The following RINT1 variants were observed in gnomAD, a reference collection of about 807,000 sequenced individuals.
RINT1 encodes the protein RAD50 interactor 1, also known as RAD50-interacting protein 1.
Under a neutral mutation model 97.7 loss-of-function variants are expected in RINT1, and 75 were observed. The observed-to-expected ratio is 0.77, with a 90% CI of 0.64 to 0.93. The LOEUF is 0.93. RINT1 is among the 40% of genes least tolerant of loss of function. The pLI is 0.00. For synonymous variants in RINT1, 303 were observed against 326.3 expected (o/e 0.93, Z 0.77); for missense variants, 892 against 925.2 (o/e 0.96, Z 0.47).
intron 4 of RINT1, among the ~76,000 whole-genome samples, chr7:105,543,158 G>A (rs1790531398): frequency 6.6e-6 from 1 of 152,110 alleles, no homozygotes; most frequent in Admixed American, 6.6e-5. Context: ...TGGAAGTGCT[G>A]GGATTACAGG....
intron 8 of RINT1, 44 bp downstream of exon 8, chr7:105,550,209 T>G: frequency 6.2e-7 from 1 of 1,603,196 alleles, no homozygotes; most frequent in Non-Finnish European, 8.5e-7. Flanking sequence ...GAACTGTATG[T>G]GTGCATGGAT....
intron 4 of RINT1, among the ~76,000 whole-genome samples, chr7:105,546,652 T>C (rs1379933788): frequency 1.3e-5 from 2 of 152,142 alleles, no homozygotes; most frequent in African/African-American, 2.4e-5. Context: ...GGCGGTCGGA[T>C]CACTTGAGGT....
intron 1 of RINT1, 137 bp from the exon 2 acceptor site, chr7:105,532,687 G>A: frequency 2.2e-6 from 2 of 916,640 alleles, no homozygotes; most frequent in Non-Finnish European, 1.8e-6. Flanking sequence ...ACCTGATTCG[G>A]ACGGCCCTGG....
chr7:105,555,366 T>G, intron 11 of RINT1, 139 bp downstream of exon 11: 1 of 608,674 alleles, frequency 1.6e-6, no homozygotes, highest in Non-Finnish European at 2.7e-6. Context: ...AAAGGTGTAA[T>G]TAAAATACAC....
chr7:105,550,202 C>T (rs367878199), intron 8 of RINT1, 37 bp downstream of exon 8: 1 of 1,602,774 alleles, frequency 6.2e-7, no homozygotes, highest in African/African-American at 1.3e-5. Context: ...TGTTTTAGAA[C>T]TGTATGTGTG....
chr7:105,536,571 T>C lies in RINT1; in HGVS notation c.95T>C (p.Ile32Thr). Residue 32 changes from isoleucine to threonine, a missense_variant, in exon 3 of 15, where the codon ATA (isoleucine) becomes ACA (threonine). Coordinates refer to ENST00000257700, the MANE Select transcript of RINT1 (RefSeq NM_021930.6). ...ERKNLEEKSD[I>T]NVTVLIGSKQ... The stretch of plus-strand genomic sequence containing the variant: ...TGTTATTCTTTTGTTGTAGGTGACA[T>C]AAATGTTACAGTTCTTATTGGAAGT... The C allele has an allele frequency of 6.3e-7, 1 of 1,587,944 alleles. No homozygotes were observed. Among genetic ancestry groups the C allele is most frequent in the Non-Finnish European group, 8.6e-7 (1 of 1,166,864 alleles).
In RINT1 at chr7:105,555,205, T is replaced by A; in HGVS notation, c.1649T>A (p.Leu550Gln). 4 of 1,613,788 alleles carry A rather than the reference T, an allele frequency of 2.5e-6. No homozygotes were observed. Among genetic ancestry groups the A allele is most frequent in the Non-Finnish European group, 3.4e-6 (4 of 1,179,816 alleles). ...GCTGTGAACTACATCTCAACAGTAC[T>A]AGCAGATTGGGCTGACAATGTTGTG... is the stretch of plus-strand genomic sequence containing the variant. ...LNAVNYISTV[L>Q]ADWADNVFFL... Residue 550 changes from leucine (L) to glutamine (Q), a missense_variant, in exon 11 of 15, where the codon CTA (leucine) becomes CAA (glutamine). By Grantham distance (113) the Leu-to-Gln change is moderately radical. Transcript: ENST00000257700.
intron 6 of RINT1, among the ~76,000 whole-genome samples, chr7:105,548,189 C>A (rs818628): frequency 0.25 from 37,598 of 151,726 alleles, 5,618 homozygotes; most frequent in African/African-American, 0.42. Context: ...CACCATGCCC[C>A]GCTAATTTTT....
At chr7:105,548,823 C>A in intron 7 of RINT1, 113 bp downstream of exon 7, 1 of 966,846 alleles carries the variant, frequency 1.0e-6, no homozygotes. Flanking sequence ...TGTTTTTTTT[C>A]TAAAGGGCTA....
intron 11 of RINT1, 84 bp downstream of exon 11, chr7:105,555,311 C>A: frequency 8.8e-7 from 1 of 1,142,500 alleles, no homozygotes; most frequent in Non-Finnish European, 1.2e-6. Flanking sequence ...GAATCTATTG[C>A]AAGCAAAAAT....
At position 105,567,115 on chromosome 7, in the gene RINT1, A is replaced by G. The variant is rs367666777; in HGVS notation, c.2187-4A>G. ...CATTTCCCTCCTTTGTTTTCCCTAA[A>G]CAGTATAAAAGAAGCCTGTATTGTT... On this transcript the variant is annotated splice_region_variant and splice_polypyrimidine_tract_variant and intron_variant, in intron 14 of 14. Coordinates refer to ENST00000257700, the MANE Select transcript of RINT1 (RefSeq NM_021930.6). 1.3e-6 allele frequency: 2 copies of G among 1,524,166 alleles called. No homozygotes were observed. Among genetic ancestry groups the G allele is most frequent in the South Asian group, 1.3e-5 (1 of 75,486 alleles). The allele number at this position is 1,524,166 out of a possible 1,614,324, so 94.4% of individuals were successfully genotyped here.
At chr7:105,548,755 T>TTA in intron 7 of RINT1, 45 bp downstream of exon 7, 1 of 1,539,100 alleles carries the variant, frequency 6.5e-7, no homozygotes, top group Non-Finnish European at 8.8e-7. Flanking sequence ...TGGTAACAAA[T>TTA]GTTAGAGTTT....
Position 105,542,496 on chromosome 7 carries a change from TG to T in RINT1, c.364del (p.Glu122SerfsTer15). On this transcript the variant is annotated frameshift_variant, in exon 4 of 15. Transcript: ENST00000257700. LOFTEE classifies it high-confidence loss of function. ...EESKQFLNQFLEQETHLFSAI... is the reference protein window; with the variant it reads ...EESKQFLNQFXEQETHLFSAI... ...TCAAAGCAATTTCTTAATCAGTTTCTGGAGCAGGAAACTCATCTCTTCAGCG... is the reference window on the plus strand; with the variant it reads ...TCAAAGCAATTTCTTAATCAGTTTCTGAGCAGGAAACTCATCTCTTCAGCG... 6.2e-7 allele frequency: 1 copy of T among 1,613,972 alleles called. No individual in the cohort carries two copies. Among genetic ancestry groups the T allele is most frequent in the Non-Finnish European group, 8.5e-7 (1 of 1,179,850 alleles).
intron 11 of RINT1, among the ~76,000 whole-genome samples, chr7:105,558,994 AAC>A (rs900544848): frequency 2.8e-4 from 42 of 152,114 alleles, no homozygotes; most frequent in African/African-American, 9.7e-4. Flanking sequence ...ACCCTTAGAA[AAC>A]GTATAATCTC....
intron 3 of RINT1, among the ~76,000 whole-genome samples, chr7:105,537,218 C>T (rs1234093822): frequency 6.6e-6 from 1 of 150,644 alleles, no homozygotes; most frequent in African/African-American, 2.4e-5. Context: ...GCAACCTCTG[C>T]CTCCCAGGTT....
intron 4 of RINT1, among the ~76,000 whole-genome samples, chr7:105,544,360 A>T (rs1261486887): frequency 6.6e-6 from 1 of 152,038 alleles, no homozygotes; most frequent in Non-Finnish European, 1.5e-5. Context: ...TAGATTAACT[A>T]AATTAGGTCC....
intron 12 of RINT1, among the ~76,000 whole-genome samples, chr7:105,564,260 GTAT>G (rs1427367790): frequency 6.6e-6 from 1 of 152,022 alleles, no homozygotes; most frequent in East Asian, 1.9e-4. Flanking sequence ...GCTAATTTTT[GTAT>G]TTTTAGTAGA....
Position 105,555,120 on chromosome 7 carries a change from C to T in RINT1, c.1564C>T (p.Gln522Ter). 6.2e-7 allele frequency: 1 copy of T among 1,613,998 alleles called. No individual in the cohort carries two copies. The highest frequency in any genetic ancestry group is 8.5e-7 in the Non-Finnish European group (1 of 1,179,940). The change falls in exon 11 of 15, where the codon CAA (glutamine) becomes TAA (stop). Residue 522 changes from glutamine (Q) to a stop codon, truncating the protein, a stop_gained. Transcript: ENST00000257700. LOFTEE classifies it high-confidence loss of function. ...LVDDFRIRLTQVMKEETRASL... is the reference protein window; with the variant it reads ...LVDDFRIRLT Reference sequence around the variant, plus strand: ...AGATGATTTTAGGATACGATTAACACAAGTGATGAAAGAAGAGACTAGAGC... The same window carrying T: ...AGATGATTTTAGGATACGATTAACATAAGTGATGAAAGAAGAGACTAGAGC...
Position 105,565,272 on chromosome 7 carries a change from T to A in RINT1, c.1887-5T>A, listed in dbSNP as rs1791655823. 6.4e-7 allele frequency: 1 copy of A among 1,561,822 alleles called. No homozygotes were observed. Among genetic ancestry groups the A allele is most frequent in the South Asian group, 1.2e-5 (1 of 84,356 alleles). On this transcript the variant is annotated splice_polypyrimidine_tract_variant and splice_region_variant and intron_variant, in intron 12 of 14. Transcript: ENST00000257700. ...AATTTTTTGGTAAAAATGTGTTTTT[T>A]CCAGATGGTTGTCCTTGCCATCTCA...
Sources: allele counts gnomAD v4.1 joint callset (sites outside exome capture counted in the v4.1 genomes callset), GRCh38; gene constraint gnomAD v4.1.1; transcripts MANE v1.5; gene names NCBI Gene and HGNC (gene_info 2026-07-23, HGNC 2026-07-21).